The following CHRM2 variants were observed in gnomAD, a reference collection of about 807,000 sequenced individuals.
CHRM2 encodes muscarinic acetylcholine receptor M2.
Under a neutral mutation model 25.0 loss-of-function variants are expected in CHRM2, and 8 were observed. The observed-to-expected ratio is 0.32, with a 90% CI of 0.19 to 0.58. The LOEUF is 0.58. CHRM2 is among the 20% of genes least tolerant of loss of function. The pLI, the probability that CHRM2 is intolerant of heterozygous loss-of-function variation, is 0.88. For missense variants in CHRM2, 440 were observed against 567.1 expected (o/e 0.78, Z 2.28); for synonymous variants, 202 against 205.7 (o/e 0.98, Z 0.15).
intron 2 of CHRM2, among the ~76,000 whole-genome samples, chr7:136,950,047 A>C (rs1017637276): frequency 3.3e-5 from 5 of 152,058 alleles, no homozygotes; most frequent in African/African-American, 1.2e-4. Flanking sequence ...TTGCCTCTCT[A>C]GTGGGAGTAA....
At chr7:137,006,151 A>G (rs1804409539) in intron 3 of CHRM2, among the ~76,000 whole-genome samples, 2 of 152,176 alleles carry the variant, frequency 1.3e-5, no homozygotes, top group Admixed American at 1.3e-4. Flanking sequence ...TCCTTGGTAC[A>G]GAAAAAGGTG....
chr7:136,977,029 A>C (rs1254182525), intron 2 of CHRM2, among the ~76,000 whole-genome samples: 2 of 152,196 alleles, frequency 1.3e-5, no homozygotes, highest in African/African-American at 4.8e-5. Context: ...TGTGTGTACT[A>C]CTATTGGCTT....
At chr7:136,937,382 C>A (rs1318860508) in intron 2 of CHRM2, among the ~76,000 whole-genome samples, 1 of 152,130 alleles carries the variant, frequency 6.6e-6, no homozygotes, top group East Asian at 1.9e-4. Context: ...TTCTAATATG[C>A]AAATTATTTT....
At position 136,916,418 on chromosome 7, in the gene CHRM2, A is replaced by G. The variant is rs1348922582; in HGVS notation, c.-125+47000A>G. Among the ~76,000 whole-genome samples, 4 of 151,796 alleles carry G rather than the reference A, an allele frequency of 2.6e-5. No homozygotes were observed. In the East Asian group the frequency reaches 7.8e-4, roughly 29 times the overall value. ...TTTTATTTTTCTTTCATATTTAAAGAATATCATTTTATCTATAAGATGCCC... is the reference window on the plus strand; with the variant it reads ...TTTTATTTTTCTTTCATATTTAAAGGATATCATTTTATCTATAAGATGCCC... On this transcript the variant is annotated intron_variant, in intron 2 of 3. Coordinates refer to ENST00000680005, the MANE Select transcript of CHRM2 (RefSeq NM_001006630.2).
chr7:136,902,429 A>G (rs1325571624), intron 2 of CHRM2: 4 of 152,080 alleles, frequency 2.6e-5, no homozygotes, highest in Non-Finnish European at 2.9e-5. Context: ...TGTGCAGTTT[A>G]CTTTTTATCT....
intron 2 of CHRM2, chr7:136,870,464 C>A (rs1455974994): frequency 1.3e-5 from 2 of 152,382 alleles, no homozygotes; most frequent in African/African-American, 4.8e-5. Context: ...TATTGACACA[C>A]ACGGCGGCAC....
At chr7:136,906,293 A>C (rs910384319) in intron 2 of CHRM2, among the ~76,000 whole-genome samples, 1 of 151,028 alleles carries the variant, frequency 6.6e-6, no homozygotes, top group African/African-American at 2.4e-5. Flanking sequence ...GAATAAAAAC[A>C]AATGTGTGTG....
At chr7:136,913,639 G>C (rs756321095) in intron 2 of CHRM2, among the ~76,000 whole-genome samples, 2 of 151,750 alleles carry the variant, frequency 1.3e-5, no homozygotes, top group Admixed American at 1.3e-4. Context: ...TTTTTGAGAC[G>C]AAGTCTCACT....
Position 137,002,541 on chromosome 7 carries a change from T to C in CHRM2, c.-47+10277T>C, listed in dbSNP as rs570310936. On this transcript the variant is annotated intron_variant, in intron 3 of 3. Coordinates refer to ENST00000680005, the MANE Select transcript of CHRM2 (RefSeq NM_001006630.2). ...CAAGAATTTTAAATAGAGGTTCACT[T>C]GTCTGTGACACTTTGACCATTGGGT... is the stretch of plus-strand genomic sequence containing the variant. Among the ~76,000 whole-genome samples, 4 of 152,334 alleles carry C rather than the reference T, an allele frequency of 2.6e-5. No individual in the cohort carries two copies. The South Asian group carries it at 6.2e-4, about 24-fold the overall frequency.
chr7:136,936,885 G>A (rs116716055), intron 2 of CHRM2, among the ~76,000 whole-genome samples: 1,955 of 152,166 alleles, frequency 0.013, 35 homozygotes, highest in African/African-American at 0.044. Context: ...AAGATGTCTC[G>A]ATATAGCTGG....
At chr7:137,000,547 A>AAG (rs1554434051) in intron 3 of CHRM2, among the ~76,000 whole-genome samples, 31 of 95,172 alleles carry the variant, frequency 3.3e-4, no homozygotes, top group African/African-American at 1.0e-3. Flanking sequence ...AAAGAAAGAA[A>AAG]GAAGGAAGGA....
At chr7:136,940,782 A>G (rs987191627) in intron 2 of CHRM2, among the ~76,000 whole-genome samples, 1 of 152,238 alleles carries the variant, frequency 6.6e-6, no homozygotes, top group Admixed American at 6.5e-5. Context: ...CCTTTTGCAT[A>G]TGAAGAAACT....
chr7:136,895,440 A>C (rs2130582540), intron 2 of CHRM2, among the ~76,000 whole-genome samples: 1 of 152,326 alleles, frequency 6.6e-6, no homozygotes, highest in Non-Finnish European at 1.5e-5. Context: ...TCTCTCCATT[A>C]GCCCAGAAGT....
chr7:137,014,417 A>C (rs993405709), intron 3 of CHRM2, among the ~76,000 whole-genome samples: 41 of 152,102 alleles, frequency 2.7e-4, no homozygotes, highest in African/African-American at 9.4e-4. Flanking sequence ...TCCTCTCACT[A>C]ATTTACTAAT....
chr7:136,994,516 C>CTTTTTTTTTTTTT (rs1803447342), intron 3 of CHRM2, among the ~76,000 whole-genome samples: 1 of 84,250 alleles, frequency 1.2e-5, no homozygotes, highest in Admixed American at 1.1e-4. Flanking sequence ...CTCTTTTTTT[C>CTTTTTTTTTTTTT]TTTTCTTTTT....
intron 2 of CHRM2, among the ~76,000 whole-genome samples, chr7:136,964,269 T>C (rs1801277662): frequency 6.6e-6 from 1 of 152,168 alleles, no homozygotes; most frequent in Admixed American, 6.5e-5. Context: ...AACTTTTATA[T>C]ACAACACATC....
intron 2 of CHRM2, among the ~76,000 whole-genome samples, chr7:136,933,640 T>C (rs1799240889): frequency 6.6e-6 from 1 of 152,218 alleles, no homozygotes; most frequent in Non-Finnish European, 1.5e-5. Context: ...CAGTACTCTT[T>C]ATAATAATCA....
intron 3 of CHRM2, among the ~76,000 whole-genome samples, chr7:137,014,293 C>G (rs1407313083): frequency 6.6e-6 from 1 of 151,898 alleles, no homozygotes; most frequent in Non-Finnish European, 1.5e-5. Flanking sequence ...TTTATTTTCA[C>G]CATCCTCAGT....
intron 2 of CHRM2, among the ~76,000 whole-genome samples, chr7:136,963,245 C>T (rs570809778): frequency 6.6e-6 from 1 of 152,192 alleles, no homozygotes; most frequent in African/African-American, 2.4e-5. Flanking sequence ...ACCAGGGTGC[C>T]TGAATGCTTG....
Sources: gnomAD v4.1 joint callset for allele counts (sites outside exome capture counted in the v4.1 genomes callset) on GRCh38, gnomAD v4.1.1 for gene constraint, MANE v1.5 for transcripts, NCBI Gene and HGNC (gene_info 2026-07-23, HGNC 2026-07-21) for gene names.